The following LOC128462377 variants were observed in gnomAD, a reference collection of about 807,000 sequenced individuals.
At chr16:89,405,574 TCCTCCCGCCTCAG>T in the LOC128462377 span, among the ~76,000 whole-genome samples, 2 of 147,076 alleles carry the variant, frequency 1.4e-5, no homozygotes, top group Non-Finnish European at 3.0e-5. Context: ...GTTGCAGCAA[TCCTCCCGCCTCAG>T]CCTCCCAAAG....
chr16:89,401,106 C>A, the LOC128462377 span, among the ~76,000 whole-genome samples: 1 of 150,258 alleles, frequency 6.7e-6, no homozygotes, highest in Non-Finnish European at 1.5e-5. Context: ...CCGCCCTCCC[C>A]CTCCCCAGAG....
chr16:89,383,202 G>A, the LOC128462377 span, among the ~76,000 whole-genome samples: 1 of 152,220 alleles, frequency 6.6e-6, no homozygotes, highest in African/African-American at 2.4e-5. Flanking sequence ...TCACCTCAGG[G>A]AGGAAGAGGG....
the LOC128462377 span, among the ~76,000 whole-genome samples, chr16:89,402,436 T>A: frequency 2.0e-5 from 3 of 151,846 alleles, no homozygotes; most frequent in African/African-American, 7.3e-5. Flanking sequence ...ACCTAACACA[T>A]GAGGAAGCCG....
At chr16:89,363,750 G>T in the LOC128462377 span, among the ~76,000 whole-genome samples, 2 of 152,194 alleles carry the variant, frequency 1.3e-5, no homozygotes, top group African/African-American at 4.8e-5. Context: ...GGGCCTGCAG[G>T]TTCCAGTCAG....
At chr16:89,353,047 A>C in the LOC128462377 span, among the ~76,000 whole-genome samples, 1 of 152,236 alleles carries the variant, frequency 6.6e-6, no homozygotes, top group Admixed American at 6.5e-5. Context: ...AATTATAACA[A>C]GAGAAAGTAG....
the LOC128462377 span, among the ~76,000 whole-genome samples, chr16:89,409,552 G>A: frequency 6.6e-6 from 1 of 152,172 alleles, no homozygotes; most frequent in South Asian, 2.1e-4. Flanking sequence ...TGCGACTCAC[G>A]CCTGTAATCA....
chr16:89,339,013 G>A, the LOC128462377 span, among the ~76,000 whole-genome samples: 7 of 152,160 alleles, frequency 4.6e-5, no homozygotes, highest in Non-Finnish European at 1.0e-4. Flanking sequence ...TTAGGACCCA[G>A]GAAGGAATGA....
the LOC128462377 span, among the ~76,000 whole-genome samples, chr16:89,375,810 C>A: frequency 2.8e-5 from 4 of 144,962 alleles, no homozygotes; most frequent in East Asian, 8.3e-4. Context: ...GTTCTCAAGT[C>A]TTTTTCATTG....
chr16:89,397,276 C>T, the LOC128462377 span, among the ~76,000 whole-genome samples: 1 of 152,210 alleles, frequency 6.6e-6, no homozygotes, highest in Non-Finnish European at 1.5e-5. Flanking sequence ...AGGACAGACA[C>T]CAGCCAAGAA....
chr16:89,336,494 G>T, the LOC128462377 span, among the ~76,000 whole-genome samples: 1 of 152,234 alleles, frequency 6.6e-6, no homozygotes, highest in South Asian at 2.1e-4. Flanking sequence ...GAGGACTCCT[G>T]TAGCAGGACA....
the LOC128462377 span, among the ~76,000 whole-genome samples, chr16:89,379,008 T>C: frequency 9.7e-4 from 148 of 152,356 alleles, no homozygotes; most frequent in African/African-American, 3.0e-3. Context: ...AGACGCCTCC[T>C]GCAGTCGTAG....
the LOC128462377 span, among the ~76,000 whole-genome samples, chr16:89,388,121 C>A: frequency 6.6e-6 from 1 of 152,026 alleles, no homozygotes. Context: ...CCTTACCCAG[C>A]TTCCCTAATG....
the LOC128462377 span, among the ~76,000 whole-genome samples, chr16:89,342,033 C>CTGCA: frequency 1.1e-5 from 1 of 87,018 alleles, no homozygotes; most frequent in African/African-American, 4.1e-5. Flanking sequence ...ACCTCCACTG[C>CTGCA]CCACAGCGGC....
chr16:89,378,375 T>C, the LOC128462377 span, among the ~76,000 whole-genome samples: 2 of 152,212 alleles, frequency 1.3e-5, no homozygotes, highest in African/African-American at 4.8e-5. Flanking sequence ...ACCAAACATA[T>C]ATAATGATTT....
the LOC128462377 span, among the ~76,000 whole-genome samples, chr16:89,402,154 C>G: frequency 6.6e-6 from 1 of 152,144 alleles, no homozygotes; most frequent in African/African-American, 2.4e-5. Context: ...ATCTGTGTAA[C>G]TTTTAGAGTA....
At chr16:89,415,828 T>TC in the LOC128462377 span, among the ~76,000 whole-genome samples, 1 of 21,728 alleles carries the variant, frequency 4.6e-5, no homozygotes, top group East Asian at 2.1e-3. Context: ...AGACTCTGTC[T>TC]CAAAAAAAAA....
At chr16:89,381,606 G>A in the LOC128462377 span, among the ~76,000 whole-genome samples, 1 of 152,138 alleles carries the variant, frequency 6.6e-6, no homozygotes, top group Non-Finnish European at 1.5e-5. Context: ...CCAACAAGAG[G>A]AGAACGATGA....
At chr16:89,343,302 T>C in the LOC128462377 span, among the ~76,000 whole-genome samples, 1 of 152,226 alleles carries the variant, frequency 6.6e-6, no homozygotes, top group South Asian at 2.1e-4. Context: ...CTGAGCGCAT[T>C]TTTTAAAAAG....
At chr16:89,416,161 A>G in the LOC128462377 span, among the ~76,000 whole-genome samples, 4 of 152,216 alleles carry the variant, frequency 2.6e-5, no homozygotes, top group Non-Finnish European at 5.9e-5. Flanking sequence ...TTCCTATGTC[A>G]TCAAACCTAA....
Sources: allele counts gnomAD v4.1 joint callset (sites outside exome capture counted in the v4.1 genomes callset), GRCh38; gene constraint gnomAD v4.1.1; transcripts MANE v1.5.